STAU2: variants seen among roughly 807,000 people sequenced by gnomAD.
STAU2 encodes staufen double-stranded RNA binding protein 2, also known as double-stranded RNA-binding protein Staufen homolog 2.
STAU2 carries 20 observed loss-of-function variants against 65.9 expected under a neutral mutation model. That is an observed-to-expected ratio of 0.30 (90% CI 0.21 to 0.44). The LOEUF is 0.44. STAU2 is among the 20% of genes least tolerant of loss of function. The probability of loss-of-function intolerance (pLI) is 1.00; values close to 1 mark genes in which losing one functional copy is unlikely to be tolerated. For synonymous variants in STAU2, 232 were observed against 233.9 expected, an observed-to-expected ratio of 0.99 and a Z score of 0.07; for missense variants, 558 against 683.9, an observed-to-expected ratio of 0.82 and a Z score of 2.05.
At chr8:73,744,417 T>C (rs1036086612) in intron 1 of STAU2, among the ~76,000 whole-genome samples, 3 of 147,564 alleles carry the variant, frequency 2.0e-5, no homozygotes, top group African/African-American at 7.5e-5. Context: ...CTATAAATGA[T>C]CAGATTCCCA....
intron 6 of STAU2, among the ~76,000 whole-genome samples, chr8:73,629,224 T>C (rs1813912037): frequency 6.6e-6 from 1 of 152,218 alleles, no homozygotes; most frequent in Non-Finnish European, 1.5e-5. Context: ...ATTAGGTGCA[T>C]TCATAAAAAG....
intron 13 of STAU2, among the ~76,000 whole-genome samples, chr8:73,541,063 T>A (rs1013532474): frequency 6.6e-6 from 1 of 152,146 alleles, no homozygotes; most frequent in Admixed American, 6.5e-5. Context: ...AATGGAAAAG[T>A]AGGCAGAAAC....
chr8:73,738,275 C>T lies in STAU2; in HGVS notation c.-18+9G>A, dbSNP rs755164942. 9 of 1,610,972 alleles carry T rather than the reference C, an allele frequency of 5.6e-6. No homozygotes were observed. The highest frequency in any genetic ancestry group is 1.3e-5 in the African/African-American group (1 of 74,758). ...TGTAAGCATGAAAAATGCCTTAACA[C>T]AAACTCACCTGATTTATTTGAAGCA... On this transcript the variant is annotated intron_variant, in intron 3 of 14. Coordinates refer to ENST00000524300, the MANE Select transcript of STAU2 (RefSeq NM_001164380.2).
At chr8:73,441,653 T>C (rs892961009) in intron 13 of STAU2, 7 of 152,212 alleles carry the variant, frequency 4.6e-5, no homozygotes, top group Admixed American at 3.9e-4. Flanking sequence ...GAAGAATATA[T>C]AGCCACCTCT....
intron 11 of STAU2, among the ~76,000 whole-genome samples, chr8:73,586,585 C>T (rs1366247152): frequency 5.8e-5 from 8 of 137,568 alleles, no homozygotes; most frequent in African/African-American, 1.6e-4. Context: ...TCAGAAGACA[C>T]ATCCAGGGTT....
chr8:73,738,640 G>A (rs923937766), intron 2 of STAU2, among the ~76,000 whole-genome samples: 3 of 152,090 alleles, frequency 2.0e-5, no homozygotes, highest in Non-Finnish European at 2.9e-5. Context: ...CCACCATACT[G>A]GACAGTACAG....
chr8:73,603,498 C>G (rs901800603), intron 10 of STAU2, among the ~76,000 whole-genome samples: 1 of 152,144 alleles, frequency 6.6e-6, no homozygotes, highest in African/African-American at 2.4e-5. Flanking sequence ...TGGTAAATAA[C>G]CTGTGTGAAC....
chr8:73,738,258 T>C (rs1229172888), intron 3 of STAU2, 26 bp downstream of exon 3: 5 of 1,602,868 alleles, frequency 3.1e-6, no homozygotes, highest in South Asian at 2.2e-5. Context: ...CATGTAAGCA[T>C]GAAAAATGCC....
At chr8:73,486,664 T>A (rs879368407) in intron 13 of STAU2, among the ~76,000 whole-genome samples, 5,639 of 146,498 alleles carry the variant, frequency 0.038, 190 homozygotes, top group African/African-American at 0.082. Context: ...TATATTTTTT[T>A]TTTTTTTGAG....
chr8:73,518,105 C>G (rs1822839135), intron 13 of STAU2, among the ~76,000 whole-genome samples: 2 of 152,180 alleles, frequency 1.3e-5, no homozygotes. Flanking sequence ...AGAAAAGTAA[C>G]CTTTGCCATA....
In STAU2 at chr8:73,481,528, A is replaced by C. The variant is rs200548313; in HGVS notation, c.1531-58826T>G. ...AAAAACAAAAAAACAAAAAAAAAAAACACTTTTTTTGAGTGAACCAAACTA... is the reference window on the plus strand; with the variant it reads ...AAAAACAAAAAAACAAAAAAAAAAACCACTTTTTTTGAGTGAACCAAACTA... On this transcript the variant is annotated intron_variant, in intron 13 of 14. Coordinates refer to ENST00000524300, the MANE Select transcript of STAU2 (RefSeq NM_001164380.2). Among the ~76,000 whole-genome samples, 208 of 145,448 alleles carry C rather than the reference A, an allele frequency of 1.4e-3. 3 individuals carry two copies. Among genetic ancestry groups the C allele is most frequent in the African/African-American group, 4.9e-3 (193 of 39,464 alleles).
chr8:73,635,318 C>T (rs1251134009), intron 6 of STAU2, among the ~76,000 whole-genome samples: 1 of 152,124 alleles, frequency 6.6e-6, no homozygotes, highest in Non-Finnish European at 1.5e-5. Context: ...AACAGGTGGA[C>T]ACTGGAGGCA....
intron 6 of STAU2, among the ~76,000 whole-genome samples, chr8:73,638,438 A>AT (rs1814711619): frequency 6.6e-6 from 1 of 151,312 alleles, no homozygotes; most frequent in South Asian, 2.1e-4. Context: ...TTTTAAATCA[A>AT]TTTTTTACTA....
intron 13 of STAU2, among the ~76,000 whole-genome samples, chr8:73,472,354 G>C (rs1820082474): frequency 6.6e-6 from 1 of 152,094 alleles, no homozygotes; most frequent in South Asian, 2.1e-4. Context: ...ACAGAACTGG[G>C]GAAGGATATA....
At chr8:73,457,858 T>C (rs1234986467) in intron 13 of STAU2, among the ~76,000 whole-genome samples, 1 of 152,164 alleles carries the variant, frequency 6.6e-6, no homozygotes, top group Non-Finnish European at 1.5e-5. Context: ...CCTGAGATAC[T>C]CCCTTGTTGC....
intron 6 of STAU2, among the ~76,000 whole-genome samples, chr8:73,633,689 A>T (rs1814270030): frequency 6.6e-6 from 1 of 152,132 alleles, no homozygotes; most frequent in Non-Finnish European, 1.5e-5. Context: ...AGTAAGAAAA[A>T]GACCACTGAG....
chr8:73,575,369 A>G (rs753868818), intron 12 of STAU2, among the ~76,000 whole-genome samples: 4 of 152,230 alleles, frequency 2.6e-5, no homozygotes, highest in Non-Finnish European at 4.4e-5. Flanking sequence ...GTAGGGAAAC[A>G]GGAAATCTCC....
At chr8:73,466,883 C>T (rs1367536757) in intron 13 of STAU2, among the ~76,000 whole-genome samples, 1 of 152,220 alleles carries the variant, frequency 6.6e-6, no homozygotes, top group Admixed American at 6.5e-5. Context: ...CTCTCAGGAG[C>T]CTCCCAGTCT....
intron 12 of STAU2, among the ~76,000 whole-genome samples, chr8:73,571,680 A>C (rs1393399678): frequency 2.0e-5 from 3 of 152,244 alleles, no homozygotes; most frequent in African/African-American, 7.2e-5. Context: ...GCAGAAATAA[A>C]GATGTTCTTT....
Sources: allele counts gnomAD v4.1 joint callset (sites outside exome capture counted in the v4.1 genomes callset), GRCh38; gene constraint gnomAD v4.1.1; transcripts MANE v1.5; gene names NCBI Gene and HGNC (gene_info 2026-07-23, HGNC 2026-07-21).